The following CASKIN1 variants were observed in gnomAD, a reference collection of about 807,000 sequenced individuals.
CASKIN1 encodes caskin-1.
CASKIN1 carries 42 observed loss-of-function variants against 117.5 expected under a neutral mutation model. The ratio of observed to expected loss-of-function variants is 0.36; its 90% CI spans 0.28 to 0.46. The LOEUF is 0.46. CASKIN1 is among the 20% of genes least tolerant of loss of function. The pLI, the probability that CASKIN1 is intolerant of heterozygous loss-of-function variation, is 1.00. For missense variants in CASKIN1, 2,083 were observed against 2,077.3 expected, an observed-to-expected ratio of 1.00 and a Z score of -0.05; for synonymous variants, 1,148 against 961.7, an observed-to-expected ratio of 1.19 and a Z score of -3.59.
rs374113758 is a variant in CASKIN1 at position 2,189,491 on chromosome 16, C to T, written c.318G>A (p.Ser106=). 151 of 1,612,146 alleles carry T rather than the reference C, an allele frequency of 9.4e-5. 2 individuals carry two copies. The South Asian group carries it at 1.4e-3, about 15-fold the overall frequency. Reference sequence around the variant, plus strand: ...CCTCATCAGACGGGATGTTCACGGCCGAGCCCGCCTTCAGCACCAGCTTCA... The same window carrying T: ...CCTCATCAGACGGGATGTTCACGGCTGAGCCCGCCTTCAGCACCAGCTTCA... ...EPMKLVLKAG[S]AVNIPSDEGH... is the part of the protein sequence containing the mutation. The change falls in exon 4 of 20, where the codon TCG becomes TCA. Residue 106 remains serine, a synonymous_variant. Transcript: ENST00000343516.
chr16:2,194,328 A>G (rs2093209612), intron 1 of CASKIN1, among the ~76,000 whole-genome samples: 1 of 152,116 alleles, frequency 6.6e-6, no homozygotes, highest in Non-Finnish European at 1.5e-5. Flanking sequence ...CCCCCAGAAC[A>G]GGCTCCTCTT....
chr16:2,182,075 G>A lies in CASKIN1; in HGVS notation c.1630-146C>T, dbSNP rs1374333110. On this transcript the variant is annotated intron_variant, in intron 16 of 19. Transcript: ENST00000343516. The surrounding 1 kb of genome is among the most constrained non-coding windows in gnomAD (Gnocchi z 4.1). ...CGGATAGGCCGAGGTATTGGCACCA[G>A]AAATGTAGGCAGAGCCTCGGCTCAG... is the stretch of plus-strand genomic sequence containing the variant. 1.7e-6 allele frequency: 2 copies of A among 1,145,618 alleles called. No homozygotes were observed. The highest frequency in any genetic ancestry group is 2.5e-6 in the Non-Finnish European group (2 of 804,748). 71.0% of individuals were successfully genotyped at this position (1,145,618 alleles called of 1,614,324 possible). A position where few individuals can be genotyped will look rare whatever the true frequency, so the allele number is the denominator to read the frequency against.
chr16:2,181,123 G>A lies in CASKIN1; in HGVS notation c.2245C>T (p.His749Tyr), dbSNP rs926951432. 1 of 1,477,844 alleles carries A rather than the reference G, an allele frequency of 6.8e-7. No homozygotes were observed. Among genetic ancestry groups the A allele is most frequent in the Non-Finnish European group, 8.9e-7 (1 of 1,123,312 alleles). 91.5% of individuals were successfully genotyped at this position (1,477,844 alleles called of 1,614,324 possible). The change falls in exon 18 of 20, where the codon CAC becomes TAC. Residue 749 changes from histidine (H) to tyrosine (Y), a missense_variant. His to Tyr is a moderately conservative substitution (Grantham distance 83). This residue lies in a region of CASKIN1 where 1,818 missense variants were observed against 1,688.9 expected (regional missense o/e 1.08). Coordinates refer to ENST00000343516, the MANE Select transcript of CASKIN1 (RefSeq NM_020764.4). ...PREARPGRHGHSIKRASVPPV... is the reference protein window; with the variant it reads ...PREARPGRHGYSIKRASVPPV... ...GGCACGCTGGCCCTCTTGATGCTGT[G>A]GCCGTGGCGGCCGGGCCGGGCCTCC... is the stretch of plus-strand genomic sequence containing the variant.
intron 6 of CASKIN1, among the ~76,000 whole-genome samples, chr16:2,188,570 C>T (rs962271955): frequency 1.3e-5 from 2 of 152,054 alleles, no homozygotes; most frequent in African/African-American, 2.4e-5. Flanking sequence ...AGGCTGGTCT[C>T]GAACTCCTGG....
At position 2,180,754 on chromosome 16, in the gene CASKIN1, C is replaced by T; in HGVS notation, c.2614G>A (p.Glu872Lys). The T allele has an allele frequency of 7.0e-7, 1 of 1,436,242 alleles. No homozygotes were observed. Among genetic ancestry groups the T allele is most frequent in the Non-Finnish European group, 9.1e-7 (1 of 1,102,578 alleles). The allele number at this position is 1,436,242 out of a possible 1,614,324, so 89.0% of individuals were successfully genotyped here. A position where few individuals can be genotyped will look rare whatever the true frequency, so the allele number is the denominator to read the frequency against. ...TLCLPPEADAEPGRPKKRAHS... is the reference protein window; with the variant it reads ...TLCLPPEADAKPGRPKKRAHS... The stretch of plus-strand genomic sequence containing the variant: ...GCCCGCTTCTTGGGCCGCCCCGGCT[C>T]CGCGTCGGCCTCAGGGGGCAGGCAC... The change falls in exon 18 of 20, where the codon GAG becomes AAG. Residue 872 changes from glutamate (E) to lysine (K), a missense_variant. Glu to Lys is a moderately conservative substitution (Grantham distance 56, BLOSUM62 1). This residue lies in a region of CASKIN1 where 1,818 missense variants were observed against 1,688.9 expected (regional missense o/e 1.08). Coordinates refer to ENST00000343516, the MANE Select transcript of CASKIN1 (RefSeq NM_020764.4).
In CASKIN1 at chr16:2,182,821, C is replaced by T. The variant is rs1312143002; in HGVS notation, c.1629+825G>A. On this transcript the variant is annotated intron_variant, in intron 16 of 19. Coordinates refer to ENST00000343516, the MANE Select transcript of CASKIN1 (RefSeq NM_020764.4). The surrounding 1 kb of genome is among the most constrained non-coding windows in gnomAD (Gnocchi z 4.1). ...TTTTGCTTTGTTTGAGACGGAGCCT[C>T]GCTCTGTCGCCCAGGCTGGAGTGCA... Among the ~76,000 whole-genome samples, 24 of 152,248 alleles carry T rather than the reference C, an allele frequency of 1.6e-4. No individual in the cohort carries two copies. The highest frequency in any genetic ancestry group is 7.3e-5 in the Non-Finnish European group (5 of 68,036).
chr16:2,187,298 C>G, intron 7 of CASKIN1, 24 bp from the exon 8 acceptor site: 1 of 1,613,902 alleles, frequency 6.2e-7, no homozygotes, highest in Non-Finnish European at 8.5e-7. Flanking sequence ...AGATGAGGCT[C>G]TGTCAGGAGC....
Position 2,178,149 on chromosome 16 carries a change from G to A in CASKIN1, c.*401C>T. 1 of 493,604 alleles carries A rather than the reference G, an allele frequency of 2.0e-6. No individual in the cohort carries two copies. The highest frequency in any genetic ancestry group is 1.6e-5 in the South Asian group (1 of 61,144). The allele number at this position is 493,604 out of a possible 1,614,324, so 30.6% of individuals were successfully genotyped here. ...AGCTTATATTCTGGGGGTGCGGTGGGGCAGGGGGGCCCTGACCTTGGTCCC... is the reference window on the plus strand; with the variant it reads ...AGCTTATATTCTGGGGGTGCGGTGGAGCAGGGGGGCCCTGACCTTGGTCCC... On this transcript the variant is annotated 3_prime_UTR_variant, in exon 20 of 20. Coordinates refer to ENST00000343516, the MANE Select transcript of CASKIN1 (RefSeq NM_020764.4).
chr16:2,185,704 A>G (rs1277390486), intron 10 of CASKIN1, among the ~76,000 whole-genome samples: 1 of 152,208 alleles, frequency 6.6e-6, no homozygotes, highest in Non-Finnish European at 1.5e-5. Flanking sequence ...GGGGCAGGCA[A>G]GAAGCCCCCC....
Position 2,190,330 on chromosome 16 carries a change from AT to A in CASKIN1, c.122del (p.Asn41MetfsTer18). The A allele has an allele frequency of 6.3e-7, 1 of 1,576,320 alleles. No individual in the cohort carries two copies. Among genetic ancestry groups the A allele is most frequent in the East Asian group, 2.3e-5 (1 of 42,832 alleles). ...AKLLGSTKKI[N>X]VNFQDPDGFS... ...ACCCATCCGGGTCCTGGAAGTTGAC[AT>A]TGATCTTCTTGGTGGAACCCAGGAG... On this transcript the variant is annotated frameshift_variant, in exon 2 of 20. Coordinates refer to ENST00000343516, the MANE Select transcript of CASKIN1 (RefSeq NM_020764.4). LOFTEE classifies it high-confidence loss of function.
chr16:2,180,832 G>C lies in CASKIN1; in HGVS notation c.2536C>G (p.Pro846Ala). 7.2e-7 allele frequency: 1 copy of C among 1,386,260 alleles called. No individual in the cohort carries two copies. The highest frequency in any genetic ancestry group is 1.7e-5 in the South Asian group (1 of 59,394). The allele number at this position is 1,386,260 out of a possible 1,614,324, so 85.9% of individuals were successfully genotyped here. Residue 846 changes from proline to alanine, a missense_variant, in exon 18 of 20, where the codon CCG (proline) becomes GCG (alanine). Physicochemically the swap from Pro to Ala is conservative, Grantham distance 27. Transcript: ENST00000343516. ...LPQPVEGEVG[P>A]AAPGPAPPPV... ...GGGGGCGCAGGCCCCGGGGCAGCCG[G>C]CCCCACCTCGCCCTCCACGGGCTGG...
intron 17 of CASKIN1, 38 bp downstream of exon 17, chr16:2,181,753 G>T: frequency 1.2e-6 from 2 of 1,602,124 alleles, no homozygotes; most frequent in South Asian, 2.2e-5. Context: ...TTGGGCTGAG[G>T]GTTGGGCTGG....
rs561530080 is a variant in CASKIN1 at position 2,180,276 on chromosome 16, C to A, written c.3092G>T (p.Arg1031Leu). The A allele has an allele frequency of 3.2e-6, 5 of 1,565,658 alleles. No homozygotes were observed. The highest frequency in any genetic ancestry group is 2.4e-5 in the East Asian group (1 of 42,112). ...CCGGCCCGGCTCTGGGCTGGCAGGG[C>A]GGGGAGTGGGGTGGCCCTCAGGAGG... Reference protein sequence around the residue: ...RRPPEGHPTPRPASPEPGRVA... With the variant: ...RRPPEGHPTPLPASPEPGRVA... Residue 1031 changes from arginine (R) to leucine (L), a missense_variant, in exon 18 of 20, where the codon CGC becomes CTC. This residue lies in a region of CASKIN1 where 1,818 missense variants were observed against 1,688.9 expected (regional missense o/e 1.08). Coordinates refer to ENST00000343516, the MANE Select transcript of CASKIN1 (RefSeq NM_020764.4).
Sources: gnomAD v4.1 joint callset for allele counts (sites outside exome capture counted in the v4.1 genomes callset) on GRCh38, gnomAD v4.1.1 for gene constraint, gnomAD v4.1.1 regional missense constraint, Gnocchi (gnomAD v3.1) non-coding constraint, MANE v1.5 for transcripts, NCBI Gene and HGNC (gene_info 2026-07-23, HGNC 2026-07-21) for gene names.